The following CACNA2D3 variants were observed in gnomAD, a reference collection of about 807,000 sequenced individuals.
CACNA2D3 encodes voltage-dependent calcium channel subunit alpha-2/delta-3.
In CACNA2D3, 60 loss-of-function variants were observed where a neutral mutation model predicts 160.6. The observed-to-expected ratio is 0.37, with a 90% CI of 0.30 to 0.46. CACNA2D3 has a LOEUF of 0.46. Among genes scored for constraint, CACNA2D3 ranks in the 20% least tolerant of loss-of-function variants. The probability of loss-of-function intolerance (pLI) is 1.00; values close to 1 mark genes in which losing one functional copy is unlikely to be tolerated. For missense variants in CACNA2D3, 1,205 were observed against 1,365.0 expected (o/e 0.88, Z 1.85); for synonymous variants, 558 against 492.9 (o/e 1.13, Z -1.75).
At chr3:54,180,112 T>TG (rs1001968406) in intron 2 of CACNA2D3, among the ~76,000 whole-genome samples, 7 of 151,834 alleles carry the variant, frequency 4.6e-5, no homozygotes, top group South Asian at 2.1e-4. Context: ...TTTTTTTTTT[T>TG]TTGTTAAACC....
intron 27 of CACNA2D3, among the ~76,000 whole-genome samples, chr3:54,916,288 C>T (rs970104918): frequency 3.9e-5 from 6 of 152,102 alleles, no homozygotes; most frequent in African/African-American, 1.4e-4. Flanking sequence ...CTCACACTGC[C>T]TTCTTGGCCA....
chr3:55,049,364 A>G (rs1351409059), intron 35 of CACNA2D3, among the ~76,000 whole-genome samples: 1 of 139,594 alleles, frequency 7.2e-6, no homozygotes, highest in Non-Finnish European at 1.5e-5. Flanking sequence ...TTATGTACCC[A>G]GTAGTCATTC....
At chr3:54,975,969 T>C (rs984191421) in intron 29 of CACNA2D3, among the ~76,000 whole-genome samples, 7 of 152,090 alleles carry the variant, frequency 4.6e-5, no homozygotes, top group Non-Finnish European at 8.8e-5. Context: ...CTGCCATTTG[T>C]TGTGGTTTCC....
At chr3:55,032,834 T>C (rs900446002) in intron 35 of CACNA2D3, among the ~76,000 whole-genome samples, 1 of 151,984 alleles carries the variant, frequency 6.6e-6, no homozygotes, top group African/African-American at 2.4e-5. Context: ...TGTTAATTCC[T>C]GTGTTCCTAG....
At chr3:54,962,953 TTA>T (rs2107052237) in intron 27 of CACNA2D3, among the ~76,000 whole-genome samples, 1 of 152,340 alleles carries the variant, frequency 6.6e-6, no homozygotes, top group South Asian at 2.1e-4. Flanking sequence ...ATTTCTAATT[TTA>T]TATGTTTTAT....
intron 9 of CACNA2D3, among the ~76,000 whole-genome samples, chr3:54,607,345 A>G (rs1431771098): frequency 2.0e-5 from 3 of 152,052 alleles, no homozygotes; most frequent in Non-Finnish European, 4.4e-5. Context: ...TTTGAGGCAG[A>G]GTCTCACTCT....
At chr3:54,859,352 T>G (rs1575515284) in intron 17 of CACNA2D3, among the ~76,000 whole-genome samples, 1 of 152,342 alleles carries the variant, frequency 6.6e-6, no homozygotes, top group South Asian at 2.1e-4. Flanking sequence ...TAGGTGAACT[T>G]TCATCATCAT....
intron 5 of CACNA2D3, among the ~76,000 whole-genome samples, chr3:54,526,110 T>C (rs1701719038): frequency 6.6e-6 from 1 of 152,146 alleles, no homozygotes; most frequent in Non-Finnish European, 1.5e-5. Context: ...TTTGAGTCTC[T>C]CTAAAGAATT....
chr3:54,214,515 G>A (rs4591528), intron 2 of CACNA2D3, among the ~76,000 whole-genome samples: 4,038 of 152,284 alleles, frequency 0.027, 176 homozygotes, highest in African/African-American at 0.092. Flanking sequence ...CCTGAAGGTA[G>A]GTTGAAGAAT....
chr3:54,534,142 G>T (rs1023844081), intron 5 of CACNA2D3, among the ~76,000 whole-genome samples: 3 of 152,230 alleles, frequency 2.0e-5, no homozygotes, highest in South Asian at 2.1e-4. Flanking sequence ...CGCCTGGCTG[G>T]CTGTGATTGC....
At chr3:54,871,010 C>G (rs143966557) in intron 17 of CACNA2D3, among the ~76,000 whole-genome samples, 1 of 151,482 alleles carries the variant, frequency 6.6e-6, no homozygotes, top group Non-Finnish European at 1.5e-5. Context: ...AGCCCTTTCT[C>G]GTATCACGGA....
At chr3:54,918,219 A>T (rs889731355) in intron 27 of CACNA2D3, 17 of 453,844 alleles carry the variant, frequency 3.7e-5, no homozygotes, top group Middle Eastern at 5.9e-4. Context: ...TCGTCGTAAT[A>T]ACTTCCCAGG....
intron 27 of CACNA2D3, among the ~76,000 whole-genome samples, chr3:54,926,054 A>G (rs748476591): frequency 1.3e-5 from 2 of 152,170 alleles, no homozygotes; most frequent in Admixed American, 1.3e-4. Flanking sequence ...CAGAAGAGCA[A>G]TGCATTACTT....
At chr3:54,981,338 C>T (rs1702503063) in intron 29 of CACNA2D3, among the ~76,000 whole-genome samples, 1 of 152,184 alleles carries the variant, frequency 6.6e-6, no homozygotes, top group Non-Finnish European at 1.5e-5. Context: ...ACACACACAG[C>T]ACACCAGATT....
intron 27 of CACNA2D3, among the ~76,000 whole-genome samples, chr3:54,961,686 A>C (rs527299808): frequency 6.6e-6 from 1 of 152,268 alleles, no homozygotes; most frequent in South Asian, 2.1e-4. Context: ...AGCTGATGGC[A>C]CCAGTATCAT....
At chr3:54,866,221 A>C (rs1699398289) in intron 17 of CACNA2D3, among the ~76,000 whole-genome samples, 1 of 152,174 alleles carries the variant, frequency 6.6e-6, no homozygotes, top group Admixed American at 6.5e-5. Context: ...TGAGTGAATG[A>C]GGGAAAGAAT....
chr3:54,503,000 C>T (rs1701317374), intron 4 of CACNA2D3, among the ~76,000 whole-genome samples: 2 of 152,264 alleles, frequency 1.3e-5, no homozygotes, highest in South Asian at 4.1e-4. Flanking sequence ...TGAGTGTTGC[C>T]ATCGCAGTGA....
At chr3:54,812,868 A>T (rs571581028) in intron 13 of CACNA2D3, among the ~76,000 whole-genome samples, 5 of 152,244 alleles carry the variant, frequency 3.3e-5, no homozygotes, top group Non-Finnish European at 5.9e-5. Flanking sequence ...CTGAGAAGAT[A>T]CTAATATCTA....
intron 2 of CACNA2D3, among the ~76,000 whole-genome samples, chr3:54,196,950 A>G (rs1488281727): frequency 6.6e-6 from 1 of 152,246 alleles, no homozygotes; most frequent in Non-Finnish European, 1.5e-5. Flanking sequence ...GATCCAATGT[A>G]AAACGTGTTT....
Sources: allele counts gnomAD v4.1 joint callset (sites outside exome capture counted in the v4.1 genomes callset), GRCh38; gene constraint gnomAD v4.1.1; transcripts MANE v1.5; gene names NCBI Gene and HGNC (gene_info 2026-07-23, HGNC 2026-07-21).